Variants in ROBO1 observed in about 807,000 individuals in gnomAD.
ROBO1 encodes the protein roundabout guidance receptor 1.
Under a neutral mutation model 195.9 loss-of-function variants are expected in ROBO1, and 149 were observed. The observed-to-expected ratio is 0.76, with a 90% CI of 0.67 to 0.87. The LOEUF (loss-of-function observed/expected upper bound fraction) is 0.87. ROBO1 is among the 40% of genes least tolerant of loss of function. The pLI is 0.00. For synonymous variants in ROBO1, 816 were observed against 733.2 expected (o/e 1.11, Z -1.82); for missense variants, 1,933 against 2,068.3 (o/e 0.93, Z 1.27).
intron 2 of ROBO1, among the ~76,000 whole-genome samples, chr3:79,456,267 T>C (rs1008988022): frequency 1.3e-5 from 2 of 152,152 alleles, no homozygotes; most frequent in East Asian, 1.9e-4. Context: ...AAAAGATTTT[T>C]GGTGATGAAA....
At chr3:79,033,383 A>G (rs2078329886) in intron 3 of ROBO1, among the ~76,000 whole-genome samples, 2 of 152,144 alleles carry the variant, frequency 1.3e-5, no homozygotes, top group African/African-American at 2.4e-5. Context: ...AATTAGAGTG[A>G]CTTATTTCAC....
chr3:79,626,066 C>A (rs1293286973), intron 1 of ROBO1, among the ~76,000 whole-genome samples: 1 of 152,200 alleles, frequency 6.6e-6, no homozygotes, highest in East Asian at 1.9e-4. Context: ...TGTAATCCAT[C>A]ACATAAACAG....
intron 2 of ROBO1, among the ~76,000 whole-genome samples, chr3:79,529,048 T>C (rs2107604793): frequency 6.6e-6 from 1 of 152,354 alleles, no homozygotes; most frequent in East Asian, 1.9e-4. Flanking sequence ...TACTTTTTGT[T>C]AGTTTATAGA....
chr3:79,200,404 T>C (rs1174494723), intron 2 of ROBO1, among the ~76,000 whole-genome samples: 2 of 151,806 alleles, frequency 1.3e-5, no homozygotes, highest in African/African-American at 4.8e-5. Flanking sequence ...GAGAATTTCA[T>C]TTCAGGATTA....
At chr3:78,718,654 G>A (rs1459132540) in intron 5 of ROBO1, among the ~76,000 whole-genome samples, 1 of 152,018 alleles carries the variant, frequency 6.6e-6, no homozygotes, top group Non-Finnish European at 1.5e-5. Flanking sequence ...GCTTTTGGAT[G>A]AGAGTTGAGT....
intron 29 of ROBO1, among the ~76,000 whole-genome samples, chr3:78,600,964 A>G (rs968334369): frequency 5.3e-5 from 8 of 152,006 alleles, no homozygotes; most frequent in Admixed American, 1.3e-4. Flanking sequence ...GAAGCCTGCT[A>G]TTGTTGCTAA....
At chr3:78,751,304 A>T (rs981959130) in intron 4 of ROBO1, among the ~76,000 whole-genome samples, 2 of 152,014 alleles carry the variant, frequency 1.3e-5, no homozygotes, top group Non-Finnish European at 2.9e-5. Context: ...AGTAATAATA[A>T]TAATAATAAT....
At chr3:79,187,001 A>G (rs1179444494) in intron 2 of ROBO1, among the ~76,000 whole-genome samples, 1 of 152,120 alleles carries the variant, frequency 6.6e-6, no homozygotes, top group Non-Finnish European at 1.5e-5. Flanking sequence ...AACATAAAGC[A>G]TAAAGCCTTC....
chr3:78,672,729 C>A (rs1708138141), intron 10 of ROBO1, among the ~76,000 whole-genome samples: 1 of 151,886 alleles, frequency 6.6e-6, no homozygotes, highest in Non-Finnish European at 1.5e-5. Context: ...CTTACAGACA[C>A]CAAAGAATGT....
chr3:79,369,845 A>G (rs2109333352), intron 2 of ROBO1, among the ~76,000 whole-genome samples: 1 of 152,284 alleles, frequency 6.6e-6, no homozygotes, highest in Admixed American at 6.5e-5. Flanking sequence ...CAAGAATAAT[A>G]ATCTAATAAA....
At chr3:78,875,600 C>T (rs952842672) in intron 4 of ROBO1, among the ~76,000 whole-genome samples, 12 of 151,962 alleles carry the variant, frequency 7.9e-5, no homozygotes, top group Admixed American at 3.9e-4. Context: ...ATTTACAAAA[C>T]GTCCACCAGT....
chr3:79,345,597 A>C (rs1421373354), intron 2 of ROBO1, among the ~76,000 whole-genome samples: 1 of 152,150 alleles, frequency 6.6e-6, no homozygotes, highest in Non-Finnish European at 1.5e-5. Flanking sequence ...CAGGCACACA[A>C]AATAGGAAAA....
In ROBO1 at chr3:79,657,614, T is replaced by G. The variant is rs79522518; in HGVS notation, c.-50-67653A>C. Among the ~76,000 whole-genome samples the G allele has an allele frequency of 9.9e-5, 15 of 152,190 alleles. No homozygotes were observed. In the East Asian group the frequency reaches 2.9e-3, roughly 29 times the overall value. ...AAAACTAAACACAAAATAAGGAGAA[T>G]GGCACCATTTGTGAATATTTATTAT... On this transcript the variant is annotated intron_variant, in intron 1 of 30. Transcript: ENST00000464233.
rs755292352 is a variant in ROBO1, at chr3:78,771,250, T to C, written c.500-24350A>G. On this transcript the variant is annotated intron_variant, in intron 4 of 30. Coordinates refer to ENST00000464233, the MANE Select transcript of ROBO1 (RefSeq NM_002941.4). ...TGGGTTCTCTATTCCATTGCACTGGTCTATGTGTCCATTTTTGTACCAGTA... is the reference window on the plus strand; with the variant it reads ...TGGGTTCTCTATTCCATTGCACTGGCCTATGTGTCCATTTTTGTACCAGTA... Among the ~76,000 whole-genome samples the C allele has an allele frequency of 3.9e-5, 6 of 152,158 alleles. 1 individual carries two copies. Among genetic ancestry groups the C allele is most frequent in the Non-Finnish European group, 7.4e-5 (5 of 68,024 alleles).
intron 2 of ROBO1, among the ~76,000 whole-genome samples, chr3:79,339,315 T>A (rs2034811541): frequency 6.6e-6 from 1 of 152,228 alleles, no homozygotes; most frequent in Admixed American, 6.5e-5. Context: ...ATCTTTGTAA[T>A]GGACCGTAAG....
rs1374427488 is a variant in ROBO1, at chr3:79,192,540, T to A, written c.89-67001A>T. Among the ~76,000 whole-genome samples the A allele has an allele frequency of 5.3e-5, 8 of 151,532 alleles. No individual in the cohort carries two copies. In the Admixed American group the frequency reaches 5.3e-4, roughly 10 times the overall value. ...AGATACAAACAATTAGCAGGAGGCT[T>A]TCATAGGAATTATCTGTGGAGAACA... is the stretch of plus-strand genomic sequence containing the variant. On this transcript the variant is annotated intron_variant, in intron 2 of 30. Coordinates refer to ENST00000464233, the MANE Select transcript of ROBO1 (RefSeq NM_002941.4).
chr3:79,293,426 G>C (rs1424890276), intron 2 of ROBO1, among the ~76,000 whole-genome samples: 1 of 152,030 alleles, frequency 6.6e-6, no homozygotes, highest in Non-Finnish European at 1.5e-5. Flanking sequence ...GCTAGCTTTT[G>C]AATTTGTTTG....
chr3:78,671,664 T>A (rs540688257), intron 10 of ROBO1, among the ~76,000 whole-genome samples: 1 of 152,064 alleles, frequency 6.6e-6, no homozygotes, highest in Non-Finnish European at 1.5e-5. Flanking sequence ...ATTTCCACTC[T>A]ACTCTTCCAA....
At chr3:78,734,108 T>C (rs1157363665) in intron 5 of ROBO1, among the ~76,000 whole-genome samples, 1 of 152,130 alleles carries the variant, frequency 6.6e-6, no homozygotes, top group Non-Finnish European at 1.5e-5. Flanking sequence ...GGAAGGTCTA[T>C]TTTGACTAAT....
Sources: gnomAD v4.1 joint callset for allele counts (sites outside exome capture counted in the v4.1 genomes callset) on GRCh38, gnomAD v4.1.1 for gene constraint, MANE v1.5 for transcripts, NCBI Gene and HGNC (gene_info 2026-07-23, HGNC 2026-07-21) for gene names.